The following FRMD6 variants were observed in gnomAD, a reference collection of about 807,000 sequenced individuals.
The protein encoded by FRMD6 is FERM domain containing 6, also known as FERM domain-containing protein 6.
FRMD6 carries 37 observed loss-of-function variants against 73.2 expected under a neutral mutation model. The ratio of observed to expected loss-of-function variants is 0.51; its 90% CI spans 0.39 to 0.66. The LOEUF is 0.66. FRMD6 is among the 30% of genes least tolerant of loss of function. The pLI is 0.00. For missense variants in FRMD6, 714 were observed against 780.5 expected (o/e 0.91, Z 1.02); for synonymous variants, 273 against 282.2 (o/e 0.97, Z 0.33).
At chr14:51,684,425 C>G (rs1895014518) in intron 1 of FRMD6, among the ~76,000 whole-genome samples, 1 of 152,150 alleles carries the variant, frequency 6.6e-6, no homozygotes, top group Admixed American at 6.5e-5. Flanking sequence ...CTTTAAAGTT[C>G]AAGCCAGATT....
chr14:51,648,581 T>G (rs1263161993), upstream of FRMD6, among the ~76,000 whole-genome samples: 1 of 152,226 alleles, frequency 6.6e-6, no homozygotes, highest in East Asian at 1.9e-4. Context: ...GGCAAACTTC[T>G]GTTTATCCTT....
In FRMD6 at chr14:51,609,117, G is replaced by A. The variant is rs370910544; in HGVS notation, c.-147+38707G>A. On this transcript the variant is annotated intron_variant, in intron 2 of 14. Transcript: ENST00000356218. ...TTTTTCATAGTGGTTCTTAAAAGATGTATAGGAATCAGAAATGTACATTTA... is the reference window on the plus strand; with the variant it reads ...TTTTTCATAGTGGTTCTTAAAAGATATATAGGAATCAGAAATGTACATTTA... Among the ~76,000 whole-genome samples, 5 of 152,164 alleles carry A rather than the reference G, an allele frequency of 3.3e-5. No individual in the cohort carries two copies. The East Asian group carries it at 5.8e-4, about 18-fold the overall frequency.
rs371259894 is a variant in FRMD6 at position 51,598,190 on chromosome 14, TC to T, written c.-147+27781del. ...GAGAAAAAATTAAAGAAAACTAATT[TC>T]TCCCCCTAGCCCCCAAAAAACCAAA... On this transcript the variant is annotated intron_variant, in intron 2 of 14. Coordinates refer to the FRMD6 transcript ENST00000356218. Among the ~76,000 whole-genome samples the T allele has an allele frequency of 4.2e-4, 64 of 152,110 alleles. No homozygotes were observed. In the East Asian group the frequency reaches 7.0e-3, roughly 17 times the overall value.
intron 2 of FRMD6, among the ~76,000 whole-genome samples, chr14:51,632,768 AG>A (rs1207706665): frequency 6.6e-6 from 1 of 152,244 alleles, no homozygotes; most frequent in African/African-American, 2.4e-5. Flanking sequence ...CTAGAGGGCC[AG>A]CCTGATTGAG....
intron 2 of FRMD6, chr14:51,599,786 C>T (rs1889935815): frequency 1.3e-5 from 2 of 151,308 alleles, no homozygotes; most frequent in Admixed American, 1.3e-4. Flanking sequence ...ATGAATACCA[C>T]CCCCCAGGTA....
chr14:51,486,027 CTT>C (rs36049787), upstream of FRMD6, among the ~76,000 whole-genome samples: 10 of 138,016 alleles, frequency 7.2e-5, no homozygotes, highest in Admixed American at 1.5e-4. Context: ...ACTTCCTTTT[CTT>C]TTTTTTTTTT....
At chr14:51,705,310 G>T (rs1360013958) in intron 6 of FRMD6, among the ~76,000 whole-genome samples, 1 of 151,992 alleles carries the variant, frequency 6.6e-6, no homozygotes, top group Admixed American at 6.6e-5. Flanking sequence ...TTCCTTTGCT[G>T]CGAGAACAAG....
chr14:51,664,792 A>G (rs2140190233), intron 1 of FRMD6, among the ~76,000 whole-genome samples: 1 of 152,206 alleles, frequency 6.6e-6, no homozygotes, highest in East Asian at 1.9e-4. Context: ...TATTCGCATC[A>G]TTTTGAATGT....
At chr14:51,620,489 G>A (rs1056821150) in intron 2 of FRMD6, among the ~76,000 whole-genome samples, 1 of 151,996 alleles carries the variant, frequency 6.6e-6, no homozygotes. Context: ...ATTCCAAAGT[G>A]GAAAAGGATA....
At chr14:51,408,435 A>G in the FRMD6 span, among the ~76,000 whole-genome samples, 1 of 152,192 alleles carries the variant, frequency 6.6e-6, no homozygotes, top group African/African-American at 2.4e-5. Flanking sequence ...TCTATATTAC[A>G]TAACTCTTAA....
At chr14:51,428,093 A>G in the FRMD6 span, among the ~76,000 whole-genome samples, 5 of 152,216 alleles carry the variant, frequency 3.3e-5, no homozygotes, top group Non-Finnish European at 7.3e-5. Context: ...CATTTTAAAA[A>G]AGACTCAAAG....
At chr14:51,400,768 A>G in the FRMD6 span, among the ~76,000 whole-genome samples, 2 of 152,232 alleles carry the variant, frequency 1.3e-5, no homozygotes, top group Non-Finnish European at 2.9e-5. Context: ...GTGAGCACTC[A>G]GCATGCTGGG....
At chr14:51,434,586 T>A in the FRMD6 span, among the ~76,000 whole-genome samples, 1 of 152,154 alleles carries the variant, frequency 6.6e-6, no homozygotes, top group Admixed American at 6.5e-5. Context: ...CAATTCTTTC[T>A]TACAGTAGGA....
At chr14:51,540,457 G>A (rs1156812751) in intron 1 of FRMD6, among the ~76,000 whole-genome samples, 1 of 152,070 alleles carries the variant, frequency 6.6e-6, no homozygotes, top group African/African-American at 2.4e-5. Flanking sequence ...GTGAAACTGC[G>A]ACACCATCAT....
At chr14:51,572,775 G>T (rs1454267296) in intron 2 of FRMD6, among the ~76,000 whole-genome samples, 1 of 152,266 alleles carries the variant, frequency 6.6e-6, no homozygotes, top group South Asian at 2.1e-4. Flanking sequence ...GAATTCGGAA[G>T]GCCAAATCCT....
At chr14:51,529,874 G>A (rs1885483868) in intron 1 of FRMD6, among the ~76,000 whole-genome samples, 1 of 152,218 alleles carries the variant, frequency 6.6e-6, no homozygotes, top group African/African-American at 2.4e-5. Context: ...CACGTTCTGA[G>A]TATCAGTTAG....
the FRMD6 span, among the ~76,000 whole-genome samples, chr14:51,474,193 C>A: frequency 2.6e-5 from 4 of 152,196 alleles, no homozygotes; most frequent in African/African-American, 9.7e-5. Context: ...GTACAGATTT[C>A]AATTTCATTT....
At chr14:51,436,652 A>G in the FRMD6 span, 1 of 535,268 alleles carries the variant, frequency 1.9e-6, no homozygotes, top group East Asian at 4.1e-5. Flanking sequence ...TACCTGGTTT[A>G]CTGACCATTC....
intron 1 of FRMD6, among the ~76,000 whole-genome samples, chr14:51,538,428 C>T (rs1950916): frequency 0.21 from 32,490 of 151,774 alleles, 3,873 homozygotes; most frequent in South Asian, 0.31. Flanking sequence ...AATTCTTTTC[C>T]TTTGTCACAT....
Sources: gnomAD v4.1 joint callset for allele counts (sites outside exome capture counted in the v4.1 genomes callset) on GRCh38, gnomAD v4.1.1 for gene constraint, MANE v1.5 for transcripts, NCBI Gene and HGNC (gene_info 2026-07-23, HGNC 2026-07-21) for gene names.